The following SMPD4 variants were observed in gnomAD, a reference collection of about 807,000 sequenced individuals.
SMPD4 encodes the protein sphingomyelin phosphodiesterase 4.
SMPD4 carries 58 observed loss-of-function variants against 97.8 expected under a neutral mutation model. That is an observed-to-expected ratio of 0.59 (90% CI 0.48 to 0.74). SMPD4 has a LOEUF of 0.74. Ranked by LOEUF, SMPD4 falls within the 30% of genes least tolerant of loss-of-function variation. SMPD4 has a pLI of 0.00. For missense variants in SMPD4, 853 were observed against 1,080.5 expected (o/e 0.79, Z 2.95); for synonymous variants, 388 against 450.0 (o/e 0.86, Z 1.74).
chr2:130,173,567 C>T lies in SMPD4; in HGVS notation c.216G>A (p.Gln72=), dbSNP rs1688683089. The T allele has an allele frequency of 6.2e-7, 1 of 1,613,638 alleles. No homozygotes were observed. Among genetic ancestry groups the T allele is most frequent in the Admixed American group, 1.7e-5 (1 of 59,960 alleles). The change falls in exon 4 of 20, where the codon CAG becomes CAA. Residue 72 remains glutamine (Q), a synonymous_variant. Transcript: ENST00000680298. ...TGTACTCCACAGGATTCACGCGCCC[C>T]TGTAAGCAGCGGAGGTTCCAGCCAA... The part of the protein sequence containing the change: ...VLVGWNLRCL[Q]GRVNPVEYSI...
At chr2:130,171,714 C>T (rs76691476) in intron 8 of SMPD4, among the ~76,000 whole-genome samples, 54 of 151,660 alleles carry the variant, frequency 3.6e-4, no homozygotes, top group African/African-American at 9.9e-4. Flanking sequence ...GGGCCAGCAT[C>T]TGCAGGAAGG....
intron 10 of SMPD4, among the ~76,000 whole-genome samples, chr2:130,161,800 C>T (rs1437257630): frequency 6.6e-6 from 1 of 152,180 alleles, no homozygotes; most frequent in Non-Finnish European, 1.5e-5. Flanking sequence ...ACCAGCGGAG[C>T]ATGTTCCAGG....
chr2:130,153,944 G>C lies in SMPD4; in HGVS notation c.1660-9C>G. 4 of 1,611,204 alleles carry C rather than the reference G, an allele frequency of 2.5e-6. No individual in the cohort carries two copies. The highest frequency in any genetic ancestry group is 3.4e-6 in the Non-Finnish European group (4 of 1,178,784). Reference sequence around the variant, plus strand: ...TGAGCGAGGCGCAGGACCTGCAAGGGAGGCGCGGGCAGGTCACCAGCAGGA... The same window carrying C: ...TGAGCGAGGCGCAGGACCTGCAAGGCAGGCGCGGGCAGGTCACCAGCAGGA... On this transcript the variant is annotated splice_polypyrimidine_tract_variant and intron_variant, in intron 16 of 19. Transcript: ENST00000680298.
rs1689618419 is a variant in SMPD4 at position 130,181,422 on chromosome 2, C to T, written c.-46+108G>A. ...GCCCTGCCTGGGCAGAGCCGGCTGG[C>T]CGGCCCGAGTCCTGGGGCTCGCGGA... On this transcript the variant is annotated intron_variant, in intron 1 of 19. Coordinates refer to ENST00000680298, the MANE Select transcript of SMPD4 (RefSeq NM_017951.5). 3.3e-6 allele frequency: 5 copies of T among 1,500,746 alleles called. No homozygotes were observed. The East Asian group carries it at 9.9e-5, about 30-fold the overall frequency. 93.0% of individuals were successfully genotyped at this position (1,500,746 alleles called of 1,614,324 possible). A position where few individuals can be genotyped will look rare whatever the true frequency, so the allele number is the denominator to read the frequency against.
At position 130,172,526 on chromosome 2, in the gene SMPD4, A is replaced by G. The variant is rs536905746; in HGVS notation, c.508-26T>C. 1.7e-5 allele frequency: 27 copies of G among 1,612,540 alleles called. No individual in the cohort carries two copies. The Admixed American group carries it at 2.5e-4, about 15-fold the overall frequency. On this transcript the variant is annotated intron_variant, in intron 7 of 19. Coordinates refer to ENST00000680298, the MANE Select transcript of SMPD4 (RefSeq NM_017951.5). Reference sequence around the variant, plus strand: ...CTGGAAAACCAAGCTAGTTGTTAGCATGGGCTCTGGACACTGCCAGGCCAC... The same window carrying G: ...CTGGAAAACCAAGCTAGTTGTTAGCGTGGGCTCTGGACACTGCCAGGCCAC...
intron 18 of SMPD4, 48 bp from the exon 19 acceptor site, chr2:130,153,219 A>G (rs984530546): frequency 2.2e-5 from 35 of 1,613,200 alleles, no homozygotes; most frequent in Non-Finnish European, 2.9e-5. Flanking sequence ...AGCCCCACAC[A>G]CAACTCAGAG....
Position 130,156,578 on chromosome 2 carries a change from C to A in SMPD4, c.1188+7G>T. On this transcript the variant is annotated splice_region_variant and intron_variant, in intron 13 of 19. Transcript: ENST00000680298. The stretch of plus-strand genomic sequence containing the variant: ...ACAGGCACACGTGTGACGGGGCCAA[C>A]ACTCACAGCTCTGAACGATGCGTCC... 1 of 1,612,590 alleles carries A rather than the reference C, an allele frequency of 6.2e-7. No homozygotes were observed. The highest frequency in any genetic ancestry group is 1.1e-5 in the South Asian group (1 of 90,832).
chr2:130,173,424 T>C (rs1021796258), intron 4 of SMPD4, 70 bp from the exon 5 acceptor site: 3 of 1,597,592 alleles, frequency 1.9e-6, no homozygotes, highest in Non-Finnish European at 2.6e-6. Context: ...CTTTGATTGT[T>C]TCTTAATCTT....
At chr2:130,154,233 A>G (rs1686531319) in intron 16 of SMPD4, 44 bp downstream of exon 16, 3 of 1,537,186 alleles carry the variant, frequency 2.0e-6, no homozygotes, top group Admixed American at 1.9e-5. Context: ...GCTCAGCCCC[A>G]TGGCTCCAGG....
Position 130,153,077 on chromosome 2 carries a change from G to A in SMPD4, c.2120C>T (p.Thr707Ile), listed in dbSNP as rs1558737132. 10 of 1,613,090 alleles carry A rather than the reference G, an allele frequency of 6.2e-6. No homozygotes were observed. The highest frequency in any genetic ancestry group is 2.2e-5 in the East Asian group (1 of 44,882). ...GATGGCAGACGACAGCCTAAAGAGT[G>A]TGCGGACCAAGCTGGCGATCTCATA... The part of the protein sequence containing the change: ...RSYEIASLVR[T>I]LFRLSSAINH... Residue 707 changes from threonine (T) to isoleucine (I), a missense_variant, in exon 19 of 20, where the codon ACA (threonine) becomes ATA (isoleucine). Thr to Ile is a moderately conservative substitution (Grantham distance 89). Around this residue, in one of 3 missense-constraint regions of SMPD4, gnomAD observed 511 missense variants for 608.1 expected, o/e 0.84. Transcript: ENST00000680298.
chr2:130,171,039 G>A (rs763203794), intron 8 of SMPD4, among the ~76,000 whole-genome samples: 5 of 151,624 alleles, frequency 3.3e-5, no homozygotes, highest in Admixed American at 2.0e-4. Flanking sequence ...ACTCCAGCAT[G>A]GGCGACAGAG....
chr2:130,181,356 G>A (rs1315585997), intron 1 of SMPD4, 174 bp downstream of exon 1: 24 of 1,440,490 alleles, frequency 1.7e-5, no homozygotes, highest in Non-Finnish European at 2.1e-5. Flanking sequence ...GGCCCAGAGG[G>A]GTGGCAGAAG....
At chr2:130,165,437 C>CA (rs945475675) in intron 9 of SMPD4, among the ~76,000 whole-genome samples, 139 of 134,876 alleles carry the variant, frequency 1.0e-3, no homozygotes, top group African/African-American at 1.8e-3. Flanking sequence ...AAAAAAAAAA[C>CA]AAAAAAAAAA....
At chr2:130,180,862 A>C (rs889578784) in intron 1 of SMPD4, among the ~76,000 whole-genome samples, 1 of 152,134 alleles carries the variant, frequency 6.6e-6, no homozygotes, top group Non-Finnish European at 1.5e-5. Context: ...CACCCCTGTT[A>C]TCTGACTCTG....
Position 130,155,095 on chromosome 2 carries a change from C to A in SMPD4, c.1453+1G>T. On this transcript the variant is annotated splice_donor_variant, in intron 15 of 19. Coordinates refer to ENST00000680298, the MANE Select transcript of SMPD4 (RefSeq NM_017951.5). LOFTEE classifies it high-confidence loss of function. Reference sequence around the variant, plus strand: ...CGGGCTGGCCCAGGCTGAGGACTTACCTTTCTGAATCATCTCAGCCAGGTT... The same window carrying A: ...CGGGCTGGCCCAGGCTGAGGACTTAACTTTCTGAATCATCTCAGCCAGGTT... The A allele has an allele frequency of 6.2e-7, 1 of 1,614,102 alleles. No homozygotes were observed. The highest frequency in any genetic ancestry group is 2.2e-5 in the East Asian group (1 of 44,886).
chr2:130,156,085 G>A lies in SMPD4; in HGVS notation c.1239C>T (p.Asp413=). 2.5e-6 allele frequency: 4 copies of A among 1,611,362 alleles called. No homozygotes were observed. The highest frequency in any genetic ancestry group is 2.2e-5 in the East Asian group (1 of 44,872). Residue 413 remains aspartate (D), a synonymous_variant, in exon 14 of 20, where the codon GAC becomes GAT. Coordinates refer to ENST00000680298, the MANE Select transcript of SMPD4 (RefSeq NM_017951.5). ...GGGAGTCGCTGCCCGGAGCCTGCTT[G>A]TCAGGCGCGTACCGCCACGGCTGCA... is the stretch of plus-strand genomic sequence containing the variant. ...SYLQPWRYAP[D]KQAPGSDSQP...
rs1426914685 is a variant in SMPD4 at position 130,152,448 on chromosome 2, C to T, written c.*107G>A. ...CTGCAGGAACCCCGCTCCAGAAGCCCGAGGATGACCGTGTTCCCTCCTGGA... is the reference window on the plus strand; with the variant it reads ...CTGCAGGAACCCCGCTCCAGAAGCCTGAGGATGACCGTGTTCCCTCCTGGA... On this transcript the variant is annotated 3_prime_UTR_variant, in exon 20 of 20. Transcript: ENST00000680298. The T allele has an allele frequency of 3.8e-5, 48 of 1,267,890 alleles. No individual in the cohort carries two copies. The highest frequency in any genetic ancestry group is 7.5e-5 in the African/African-American group (5 of 66,276). The allele number at this position is 1,267,890 out of a possible 1,614,324, so 78.5% of individuals were successfully genotyped here.
intron 1 of SMPD4, 154 bp downstream of exon 1, chr2:130,181,376 G>A (rs1286231585): frequency 4.8e-6 from 7 of 1,447,170 alleles, no homozygotes; most frequent in Non-Finnish European, 5.4e-6. Flanking sequence ...GACTCAACCG[G>A]GGCCCTCCAC....
In SMPD4 at chr2:130,153,358, A is replaced by G; in HGVS notation, c.1986T>C (p.Gly662=). ...GKKQLPDCIV[G]EDGLILTPLG... Reference sequence around the variant, plus strand: ...GGGGCGTAAGGATGAGTCCGTCCTCACCCACGATGCAGTCGGGGAGTTGCT... The same window carrying G: ...GGGGCGTAAGGATGAGTCCGTCCTCGCCCACGATGCAGTCGGGGAGTTGCT... Residue 662 remains glycine, a synonymous_variant, in exon 18 of 20, where the codon GGT becomes GGC. Transcript: ENST00000680298. 1 of 1,613,774 alleles carries G rather than the reference A, an allele frequency of 6.2e-7. No homozygotes were observed. Among genetic ancestry groups the G allele is most frequent in the East Asian group, 2.2e-5 (1 of 44,870 alleles).
Sources: allele counts gnomAD v4.1 joint callset (sites outside exome capture counted in the v4.1 genomes callset), GRCh38; gene constraint gnomAD v4.1.1; regional missense constraint gnomAD v4.1.1; transcripts MANE v1.5; gene names NCBI Gene and HGNC (gene_info 2026-07-23, HGNC 2026-07-21).